Variants in MDGA2 observed in about 807,000 individuals in gnomAD.
The protein encoded by MDGA2 is MAM domain-containing glycosylphosphatidylinositol anchor protein 2.
A neutral mutation model predicts 117.8 loss-of-function variants in MDGA2; 40 were observed. The observed-to-expected ratio is 0.34, with a 90% CI of 0.26 to 0.44. MDGA2 has a LOEUF of 0.44. MDGA2 is among the 20% of genes least tolerant of loss of function. The probability of loss-of-function intolerance (pLI) is 1.00; values close to 1 mark genes in which losing one functional copy is unlikely to be tolerated. For synonymous variants in MDGA2, 452 were observed against 439.0 expected (o/e 1.03, Z -0.37); for missense variants, 1,123 against 1,250.6 (o/e 0.90, Z 1.54).
intron 4 of MDGA2, among the ~76,000 whole-genome samples, chr14:47,139,847 C>CATATATATACACATAT (rs1263450961): frequency 1.4e-5 from 2 of 142,702 alleles, no homozygotes; most frequent in Non-Finnish European, 3.0e-5. Flanking sequence ...TATATACACA[C>CATATATATACACATAT]ATATATATAC....
At chr14:47,541,589 G>A (rs2138756698) in intron 1 of MDGA2, among the ~76,000 whole-genome samples, 1 of 152,028 alleles carries the variant, frequency 6.6e-6, no homozygotes, top group Non-Finnish European at 1.5e-5. Flanking sequence ...AGCCTTTTCT[G>A]CCAGTAGCCC....
At chr14:47,017,553 G>A (rs2138566761) in intron 8 of MDGA2, among the ~76,000 whole-genome samples, 1 of 151,642 alleles carries the variant, frequency 6.6e-6, no homozygotes, top group South Asian at 2.1e-4. Context: ...ATCAGAGCAG[G>A]AACATTTATA....
chr14:47,114,159 T>G (rs1041062230), intron 5 of MDGA2, among the ~76,000 whole-genome samples: 17 of 152,046 alleles, frequency 1.1e-4, no homozygotes, highest in African/African-American at 3.6e-4. Context: ...CATTCACAAC[T>G]GCTACAAAGA....
intron 1 of MDGA2, among the ~76,000 whole-genome samples, chr14:47,522,638 T>C (rs1364184700): frequency 6.6e-6 from 1 of 152,190 alleles, no homozygotes; most frequent in Non-Finnish European, 1.5e-5. Context: ...TCAGCAATAA[T>C]AGCAGAGGTA....
At chr14:46,948,959 T>C (rs1885272148) in intron 9 of MDGA2, among the ~76,000 whole-genome samples, 2 of 152,080 alleles carry the variant, frequency 1.3e-5, no homozygotes, top group Non-Finnish European at 2.9e-5. Flanking sequence ...GCATTTTCAA[T>C]GTTGTGTTAC....
chr14:46,915,035 T>G (rs1022123881), intron 10 of MDGA2, among the ~76,000 whole-genome samples: 10 of 152,168 alleles, frequency 6.6e-5, no homozygotes, highest in African/African-American at 2.4e-4. Context: ...TTAGGCCACA[T>G]GCCTAACTCA....
intron 9 of MDGA2, among the ~76,000 whole-genome samples, chr14:46,928,964 C>A (rs1341321406): frequency 6.6e-6 from 1 of 152,066 alleles, no homozygotes. Flanking sequence ...CAATACAAAG[C>A]AACCACACTA....
At chr14:47,612,601 A>AT (rs1389192032) in intron 1 of MDGA2, among the ~76,000 whole-genome samples, 6 of 152,192 alleles carry the variant, frequency 3.9e-5, no homozygotes, top group African/African-American at 7.2e-5. Context: ...TTATAACGTA[A>AT]TTTTTTAAAT....
intron 10 of MDGA2, among the ~76,000 whole-genome samples, chr14:46,896,079 TG>T (rs1883065252): frequency 1.3e-5 from 2 of 152,232 alleles, no homozygotes. Flanking sequence ...AAATGTATAA[TG>T]TCACCATGGA....
At chr14:47,307,684 T>G (rs1358049106) in intron 1 of MDGA2, among the ~76,000 whole-genome samples, 2 of 150,454 alleles carry the variant, frequency 1.3e-5, no homozygotes, top group Non-Finnish European at 3.0e-5. Flanking sequence ...AGATACTCTG[T>G]GGGGGGGAAA....
intron 6 of MDGA2, among the ~76,000 whole-genome samples, chr14:47,072,877 T>C (rs1046192181): frequency 2.0e-5 from 3 of 152,222 alleles, no homozygotes; most frequent in African/African-American, 7.2e-5. Flanking sequence ...GCATATCTTT[T>C]TACTTTGCAG....
At chr14:47,592,805 A>G (rs1393022129) in intron 1 of MDGA2, among the ~76,000 whole-genome samples, 1 of 152,192 alleles carries the variant, frequency 6.6e-6, no homozygotes, top group Non-Finnish European at 1.5e-5. Flanking sequence ...TCTAGGCAAT[A>G]CCATCTGGGA....
intron 1 of MDGA2, among the ~76,000 whole-genome samples, chr14:47,489,355 A>C (rs187974430): frequency 2.6e-5 from 4 of 152,204 alleles, no homozygotes; most frequent in Non-Finnish European, 5.9e-5. Context: ...TTATTACTAA[A>C]TGAAATAGGC....
rs115070745 is a variant in MDGA2 at position 47,313,902 on chromosome 14, C to T, written c.281-12352G>A. Among the ~76,000 whole-genome samples the T allele has an allele frequency of 4.7e-3, 715 of 151,984 alleles. 4 individuals carry two copies. Among genetic ancestry groups the T allele is most frequent in the African/African-American group, 0.016 (657 of 41,456 alleles). On this transcript the variant is annotated intron_variant, in intron 1 of 16. Coordinates refer to ENST00000399232, the MANE Select transcript of MDGA2 (RefSeq NM_001113498.3). ...AAAATTACTGTAAGACGACAAATTG[C>T]CAAAAGATACATATACAAGTATGCC... is the stretch of plus-strand genomic sequence containing the variant.
chr14:47,385,788 T>C (rs12880688), intron 1 of MDGA2, among the ~76,000 whole-genome samples: 16,625 of 152,212 alleles, frequency 0.11, 1,158 homozygotes, highest in Non-Finnish European at 0.17. Context: ...AAATTATCTC[T>C]AAGATATTCT....
At chr14:47,437,049 T>C (rs1433416384) in intron 1 of MDGA2, among the ~76,000 whole-genome samples, 1 of 152,178 alleles carries the variant, frequency 6.6e-6, no homozygotes, top group Non-Finnish European at 1.5e-5. Context: ...AGCAGGCACA[T>C]TACTTCATTC....
chr14:47,659,508 A>T (rs1267718523), intron 1 of MDGA2, among the ~76,000 whole-genome samples: 4 of 152,244 alleles, frequency 2.6e-5, no homozygotes, highest in Non-Finnish European at 4.4e-5. Flanking sequence ...TTTTAGGTTC[A>T]TAAGATATTT....
At chr14:47,277,349 T>C (rs1888340959) in intron 2 of MDGA2, among the ~76,000 whole-genome samples, 1 of 152,322 alleles carries the variant, frequency 6.6e-6, no homozygotes, top group Middle Eastern at 3.4e-3. Context: ...GACATCCTTC[T>C]ATTTTTCAAG....
intron 3 of MDGA2, among the ~76,000 whole-genome samples, chr14:47,171,869 G>C (rs1884154888): frequency 6.6e-6 from 1 of 152,202 alleles, no homozygotes; most frequent in Non-Finnish European, 1.5e-5. Context: ...AAGCACAAGG[G>C]GTCAGGGAGT....
Sources: gnomAD v4.1 joint callset for allele counts (sites outside exome capture counted in the v4.1 genomes callset) on GRCh38, gnomAD v4.1.1 for gene constraint, MANE v1.5 for transcripts, NCBI Gene and HGNC (gene_info 2026-07-23, HGNC 2026-07-21) for gene names.